Variants in PIK3CB observed in about 807,000 individuals in gnomAD.
PIK3CB encodes the protein phosphatidylinositol-4,5-bisphosphate 3-kinase catalytic subunit beta, also known as phosphatidylinositol 4,5-bisphosphate 3-kinase catalytic subunit beta isoform.
A neutral mutation model predicts 136.8 loss-of-function variants in PIK3CB; 39 were observed. That is an observed-to-expected ratio of 0.29 (90% CI 0.22 to 0.37). The LOEUF is 0.37. Among genes scored for constraint, PIK3CB ranks in the 10% least tolerant of loss-of-function variants. The probability of loss-of-function intolerance (pLI) is 1.00; values close to 1 mark genes in which losing one functional copy is unlikely to be tolerated. For missense variants in PIK3CB, 868 were observed against 1,275.4 expected (o/e 0.68, Z 4.87); for synonymous variants, 428 against 436.6 (o/e 0.98, Z 0.25).
chr3:138,735,579 G>C (rs1002352649), intron 6 of PIK3CB, among the ~76,000 whole-genome samples: 1 of 152,092 alleles, frequency 6.6e-6, no homozygotes, highest in Non-Finnish European at 1.5e-5. Context: ...CAGAGCTCTA[G>C]GCAAGTATTA....
At chr3:138,809,762 T>C (rs1055893805) in intron 1 of PIK3CB, among the ~76,000 whole-genome samples, 2 of 152,124 alleles carry the variant, frequency 1.3e-5, no homozygotes, top group Non-Finnish European at 1.5e-5. Flanking sequence ...TAGTTAAGTA[T>C]GGATAAATTT....
chr3:138,690,950 A>T (rs781176305), intron 15 of PIK3CB, 50 bp downstream of exon 15: 1 of 1,423,710 alleles, frequency 7.0e-7, no homozygotes, highest in Non-Finnish European at 9.7e-7. Context: ...ATGCTTGTTT[A>T]TAGTTACTAA....
chr3:138,673,045 TAAGA>T (rs2043569962), intron 19 of PIK3CB, among the ~76,000 whole-genome samples: 1 of 151,454 alleles, frequency 6.6e-6, no homozygotes, highest in Non-Finnish European at 1.5e-5. Flanking sequence ...AGGAAATTAC[TAAGA>T]AAGTCACATA....
At chr3:138,714,393 T>C (rs2044565979) in intron 9 of PIK3CB, 75 bp downstream of exon 9, 2 of 975,096 alleles carry the variant, frequency 2.1e-6, no homozygotes, top group Admixed American at 2.6e-5. Flanking sequence ...TTAACTTATA[T>C]TACTCAATTA....
chr3:138,768,336 T>C (rs1253624401), intron 2 of PIK3CB, among the ~76,000 whole-genome samples: 2 of 151,766 alleles, frequency 1.3e-5, no homozygotes, highest in African/African-American at 4.8e-5. Context: ...TGTCTGCTGC[T>C]CTCAACCAAG....
At chr3:138,683,178 C>T (rs1160924400) in intron 18 of PIK3CB, among the ~76,000 whole-genome samples, 1 of 151,832 alleles carries the variant, frequency 6.6e-6, no homozygotes, top group African/African-American at 2.4e-5. Context: ...CATGGTGAAA[C>T]CCCATCTTTA....
chr3:138,745,168 T>C (rs187949369), intron 4 of PIK3CB, among the ~76,000 whole-genome samples: 45 of 152,270 alleles, frequency 3.0e-4, no homozygotes, highest in Admixed American at 7.9e-4. Flanking sequence ...TTTCATAGAG[T>C]ACCATGAGTA....
chr3:138,724,705 T>C (rs1576359766), intron 8 of PIK3CB, among the ~76,000 whole-genome samples: 1 of 152,194 alleles, frequency 6.6e-6, no homozygotes, highest in African/African-American at 2.4e-5. Flanking sequence ...AAAGCTCTTT[T>C]GTCAGGACAC....
At chr3:138,821,845 T>C (rs748847749) in intron 1 of PIK3CB, among the ~76,000 whole-genome samples, 3 of 151,816 alleles carry the variant, frequency 2.0e-5, no homozygotes, top group Non-Finnish European at 4.4e-5. Flanking sequence ...TGAGTGAATG[T>C]GCACATCAAG....
chr3:138,745,611 C>A (rs1287352124), intron 4 of PIK3CB, among the ~76,000 whole-genome samples: 1 of 151,872 alleles, frequency 6.6e-6, no homozygotes, highest in African/African-American at 2.4e-5. Context: ...GCAGCCTGGG[C>A]GATGAAGTGA....
At chr3:138,831,849 C>T (rs1308980105) in intron 1 of PIK3CB, among the ~76,000 whole-genome samples, 4 of 151,922 alleles carry the variant, frequency 2.6e-5, no homozygotes, top group South Asian at 2.1e-4. Flanking sequence ...CGCTTGAACC[C>T]GGGAGGTCAC....
In PIK3CB at chr3:138,737,704, T is replaced by A. The variant is rs369422073; in HGVS notation, c.801+3A>T. The A allele has an allele frequency of 3.8e-4, 596 of 1,551,846 alleles. No individual in the cohort carries two copies. The highest frequency in any genetic ancestry group is 5.0e-4 in the Non-Finnish European group (565 of 1,133,606). ...CTGGTAAATTAATAGTTAATATACA[T>A]ACCTGGAACTGAATTAGTGGATGAT... is the stretch of plus-strand genomic sequence containing the variant. On this transcript the variant is annotated splice_donor_region_variant and intron_variant, in intron 6 of 23. Transcript: ENST00000674063.
At chr3:138,731,947 C>T (rs572987154) in intron 8 of PIK3CB, among the ~76,000 whole-genome samples, 12 of 151,276 alleles carry the variant, frequency 7.9e-5, no homozygotes, top group South Asian at 4.2e-4. Context: ...CATGCCACTG[C>T]GCTCTAGCCT....
intron 1 of PIK3CB, among the ~76,000 whole-genome samples, chr3:138,822,818 T>C (rs1042112130): frequency 5.5e-5 from 8 of 146,768 alleles, no homozygotes; most frequent in African/African-American, 1.7e-4. Flanking sequence ...AATATATATA[T>C]ATGAAATATA....
chr3:138,757,034 C>A (rs1410329485), intron 3 of PIK3CB, among the ~76,000 whole-genome samples: 2 of 152,026 alleles, frequency 1.3e-5, no homozygotes, highest in Non-Finnish European at 2.9e-5. Context: ...AAAGATAATT[C>A]TCCAAAAAAC....
chr3:138,757,214 G>T (rs1360584594), intron 3 of PIK3CB, among the ~76,000 whole-genome samples: 1 of 151,972 alleles, frequency 6.6e-6, no homozygotes. Flanking sequence ...GACCATCCTG[G>T]CCAACATGGT....
chr3:138,826,692 T>A (rs1021746689), intron 1 of PIK3CB, among the ~76,000 whole-genome samples: 1 of 151,746 alleles, frequency 6.6e-6, no homozygotes, highest in African/African-American at 2.4e-5. Flanking sequence ...TACATACACA[T>A]ACATTCTTAC....
chr3:138,682,780 A>T (rs2043808180), intron 18 of PIK3CB, among the ~76,000 whole-genome samples: 1 of 152,370 alleles, frequency 6.6e-6, no homozygotes, highest in South Asian at 2.1e-4. Context: ...TATTCTGATA[A>T]GCACATTTGC....
Position 138,682,415 on chromosome 3 carries a change from C to T in PIK3CB, c.2426-370G>A, listed in dbSNP as rs140980988. Among the ~76,000 whole-genome samples the T allele has an allele frequency of 4.4e-3, 666 of 152,220 alleles. 7 individuals carry two copies. In the Middle Eastern group the frequency reaches 0.044, roughly 10 times the overall value. On this transcript the variant is annotated intron_variant, in intron 18 of 23. Coordinates refer to ENST00000674063, the MANE Select transcript of PIK3CB (RefSeq NM_006219.3). ...CTTGCTATTCACAGGAGATTCACTG[C>T]GCAAAGCACAGTCACTTACTAGAGG...
Sources: gnomAD v4.1 joint callset for allele counts (sites outside exome capture counted in the v4.1 genomes callset) on GRCh38, gnomAD v4.1.1 for gene constraint, MANE v1.5 for transcripts, NCBI Gene and HGNC (gene_info 2026-07-23, HGNC 2026-07-21) for gene names.